The following UBASH3B variants were observed in gnomAD, a reference collection of about 807,000 sequenced individuals.
The protein encoded by UBASH3B is ubiquitin associated and SH3 domain containing B, also known as ubiquitin-associated and SH3 domain-containing protein B.
In UBASH3B, 37 loss-of-function variants were observed where a neutral mutation model predicts 83.4. The ratio of observed to expected loss-of-function variants is 0.44; its 90% confidence interval spans 0.34 to 0.58. The LOEUF (loss-of-function observed/expected upper bound fraction) is 0.58. UBASH3B is among the 20% of genes least tolerant of loss of function. UBASH3B has a pLI of 0.01. For synonymous variants in UBASH3B, 304 were observed against 318.3 expected, an observed-to-expected ratio of 0.96 and a Z score of 0.48; for missense variants, 657 against 827.2, an observed-to-expected ratio of 0.79 and a Z score of 2.52.
At chr11:122,745,058 G>C (rs1861096197) in intron 1 of UBASH3B, among the ~76,000 whole-genome samples, 1 of 152,162 alleles carries the variant, frequency 6.6e-6, no homozygotes, top group African/African-American at 2.4e-5. Flanking sequence ...TGCCTGAGTG[G>C]CAAAAGCAAG....
intron 1 of UBASH3B, among the ~76,000 whole-genome samples, chr11:122,734,745 GCTTAAT>G (rs1462514994): frequency 6.6e-6 from 1 of 150,712 alleles, no homozygotes; most frequent in Non-Finnish European, 1.5e-5. Flanking sequence ...CATCAGATGT[GCTTAAT>G]CTTATAGAAT....
chr11:122,707,116 T>C (rs1457222993), intron 1 of UBASH3B, among the ~76,000 whole-genome samples: 1 of 152,188 alleles, frequency 6.6e-6, no homozygotes, highest in African/African-American at 2.4e-5. Flanking sequence ...AGATTTTTGC[T>C]GGAGAAAATT....
chr11:122,749,212 T>A (rs1861165145), intron 1 of UBASH3B, among the ~76,000 whole-genome samples: 5 of 152,222 alleles, frequency 3.3e-5, no homozygotes, highest in Admixed American at 3.3e-4. Context: ...GTACTGCATG[T>A]CTTTAGTTGG....
intron 1 of UBASH3B, among the ~76,000 whole-genome samples, chr11:122,748,047 G>A (rs1253347988): frequency 6.6e-6 from 1 of 152,198 alleles, no homozygotes; most frequent in Non-Finnish European, 1.5e-5. Flanking sequence ...ACAAAAGTCT[G>A]CACACTCAGT....
chr11:122,732,098 A>T (rs1161634647), intron 1 of UBASH3B, among the ~76,000 whole-genome samples: 1 of 152,352 alleles, frequency 6.6e-6, no homozygotes, highest in East Asian at 1.9e-4. Flanking sequence ...AAAGACAGAC[A>T]GCCCTAGCCC....
intron 10 of UBASH3B, 62 bp downstream of exon 10, chr11:122,799,096 C>T (rs1861205782): frequency 5.1e-6 from 7 of 1,359,628 alleles, no homozygotes; most frequent in East Asian, 2.3e-5. Context: ...CAGCCCCACA[C>T]ATAAATTATC....
chr11:122,665,852 T>G (rs1197967620), intron 1 of UBASH3B, among the ~76,000 whole-genome samples: 1 of 152,260 alleles, frequency 6.6e-6, no homozygotes, highest in Non-Finnish European at 1.5e-5. Context: ...GCCCAGCACC[T>G]GAGGCAAATA....
At chr11:122,700,217 C>T (rs1446307241) in intron 1 of UBASH3B, among the ~76,000 whole-genome samples, 1 of 152,196 alleles carries the variant, frequency 6.6e-6, no homozygotes, top group Non-Finnish European at 1.5e-5. Flanking sequence ...GATCCAATTC[C>T]TCAACACTTT....
At chr11:122,730,326 A>G (rs7936300) in intron 1 of UBASH3B, among the ~76,000 whole-genome samples, 51,847 of 151,960 alleles carry the variant, frequency 0.34, 9,557 homozygotes, top group Middle Eastern at 0.5. Context: ...TTGCACTCAC[A>G]TTGTGGGGAG....
At chr11:122,788,429 T>A (rs183134529) in intron 5 of UBASH3B, among the ~76,000 whole-genome samples, 3 of 151,932 alleles carry the variant, frequency 2.0e-5, no homozygotes, top group African/African-American at 7.2e-5. Flanking sequence ...ATTAGCCAGG[T>A]GTGGTGGCGG....
intron 1 of UBASH3B, among the ~76,000 whole-genome samples, chr11:122,769,785 G>A (rs1860610919): frequency 6.6e-6 from 1 of 152,242 alleles, no homozygotes; most frequent in African/African-American, 2.4e-5. Flanking sequence ...GAAAAGAGGA[G>A]TTGGGTTCTA....
In UBASH3B at chr11:122,770,460, GTTT is replaced by G. The variant is rs10713524; in HGVS notation, c.162-5747_162-5745del. On this transcript the variant is annotated intron_variant, in intron 1 of 13. Transcript: ENST00000284273. ...CCTCTGAGTCGGGGATGTCTTAAGT[GTTT>G]TTTTTTTTTTTGACCATAGCATTGA... Among the ~76,000 whole-genome samples, 255 of 142,350 alleles carry G rather than the reference GTTT, an allele frequency of 1.8e-3. 2 individuals carry two copies. The highest frequency in any genetic ancestry group is 6.4e-3 in the African/African-American group (247 of 38,572). 93.4% of individuals were successfully genotyped at this position (142,350 alleles called of 152,430 possible). A position where few individuals can be genotyped will look rare whatever the true frequency, so the allele number is the denominator to read the frequency against.
chr11:122,756,605 G>A (rs1861286751), intron 1 of UBASH3B, among the ~76,000 whole-genome samples: 1 of 152,196 alleles, frequency 6.6e-6, no homozygotes, highest in South Asian at 2.1e-4. Context: ...GTGGAGGGCT[G>A]TGGTAGGCCC....
intron 1 of UBASH3B, among the ~76,000 whole-genome samples, chr11:122,771,964 G>A (rs1425637096): frequency 6.6e-6 from 1 of 152,180 alleles, no homozygotes; most frequent in Non-Finnish European, 1.5e-5. Flanking sequence ...TATTACAACA[G>A]TTGCTAAAAC....
Position 122,812,546 on chromosome 11 carries a change from G to A in UBASH3B, c.*2660G>A, listed in dbSNP as rs1178562107. On this transcript the variant is annotated 3_prime_UTR_variant, in exon 14 of 14. Transcript: ENST00000284273. Reference sequence around the variant, plus strand: ...GGAGAGGAGAAGGAAGGGCAAGGAAGGAATTGACAGATAAGAAGCAAATGG... The same window carrying A: ...GGAGAGGAGAAGGAAGGGCAAGGAAAGAATTGACAGATAAGAAGCAAATGG... 6.6e-6 allele frequency: 1 copy of A among 152,156 alleles called. No homozygotes were observed. The highest frequency in any genetic ancestry group is 1.9e-4 in the East Asian group (1 of 5,202). 9.4% of individuals were successfully genotyped at this position (152,156 alleles called of 1,614,324 possible).
At chr11:122,719,046 T>G (rs900016342) in intron 1 of UBASH3B, among the ~76,000 whole-genome samples, 2 of 152,036 alleles carry the variant, frequency 1.3e-5, no homozygotes, top group African/African-American at 4.8e-5. Flanking sequence ...CAAAAATAAA[T>G]AAAAAACACT....
chr11:122,698,152 TCA>T (rs1226059635), intron 1 of UBASH3B, among the ~76,000 whole-genome samples: 1 of 152,210 alleles, frequency 6.6e-6, no homozygotes, highest in Non-Finnish European at 1.5e-5. Context: ...CCACGTAGTC[TCA>T]GTGTTCTTGC....
intron 1 of UBASH3B, among the ~76,000 whole-genome samples, chr11:122,772,059 G>A (rs1860654429): frequency 6.6e-6 from 1 of 152,200 alleles, no homozygotes; most frequent in Non-Finnish European, 1.5e-5. Context: ...AAGCTTATGT[G>A]GTGTTCAACA....
intron 1 of UBASH3B, among the ~76,000 whole-genome samples, chr11:122,662,654 C>T (rs1045132859): frequency 1.3e-5 from 2 of 152,144 alleles, no homozygotes; most frequent in Non-Finnish European, 2.9e-5. Flanking sequence ...TGGTCTCGAA[C>T]TCCTGACCTC....
Sources: gnomAD v4.1 joint callset for allele counts (sites outside exome capture counted in the v4.1 genomes callset) on GRCh38, gnomAD v4.1.1 for gene constraint, MANE v1.5 for transcripts, NCBI Gene and HGNC (gene_info 2026-07-23, HGNC 2026-07-21) for gene names.